Variants in TCF20 observed in about 807,000 individuals in gnomAD.
The protein encoded by TCF20 is SPRE-binding protein.
In TCF20, 3 loss-of-function variants were observed where a neutral mutation model predicts 148.6. The observed-to-expected ratio is 0.02, with a 90% CI of 0.01 to 0.05. The LOEUF is 0.05. Ranked by LOEUF, TCF20 falls within the 10% of genes least tolerant of loss-of-function variation. The probability of loss-of-function intolerance (pLI) is 1.00; values close to 1 mark genes in which losing one functional copy is unlikely to be tolerated. For synonymous variants in TCF20, 1,049 were observed against 909.5 expected, an observed-to-expected ratio of 1.15 and a Z score of -2.76; for missense variants, 2,350 against 2,429.3, an observed-to-expected ratio of 0.97 and a Z score of 0.69.
intron 1 of TCF20, among the ~76,000 whole-genome samples, chr22:42,332,364 A>C (rs1451586094): frequency 2.6e-5 from 4 of 152,130 alleles, no homozygotes; most frequent in African/African-American, 7.2e-5. Flanking sequence ...TGACCAGTGC[A>C]GGAGCTGGAG....
intron 2 of TCF20, among the ~76,000 whole-genome samples, chr22:42,180,127 T>C (rs1601534274): frequency 6.6e-6 from 1 of 152,134 alleles, no homozygotes; most frequent in East Asian, 1.9e-4. Flanking sequence ...GAGGGTAAGG[T>C]AGTAGAGTTA....
intron 1 of TCF20, among the ~76,000 whole-genome samples, chr22:42,316,912 G>A (rs747552614): frequency 3.9e-5 from 6 of 152,138 alleles, no homozygotes; most frequent in Admixed American, 2.0e-4. Context: ...CCAGCCAAGC[G>A]TCGCCCTTTC....
At position 42,211,027 on chromosome 22, in the gene TCF20, C is replaced by G; in HGVS notation, c.4279G>C (p.Glu1427Gln). Residue 1427 changes from glutamate to glutamine, a missense_variant, in exon 2 of 6, where the codon GAG becomes CAG. Glu to Gln is a conservative substitution (Grantham distance 29, BLOSUM62 2). Coordinates refer to ENST00000677622, the MANE Select transcript of TCF20 (RefSeq NM_001378418.1). ...VSPANQELHVEKPLPRSSEEW... is the reference protein window; with the variant it reads ...VSPANQELHVQKPLPRSSEEW... ...TCTGAAGACCTTGGAAGAGGTTTCT[C>G]TACGTGCAACTCCTGGTTTGCTGGA... is the stretch of plus-strand genomic sequence containing the variant. 4.3e-6 allele frequency: 7 copies of G among 1,614,168 alleles called. No homozygotes were observed. The highest frequency in any genetic ancestry group is 5.9e-6 in the Non-Finnish European group (7 of 1,180,038).
intron 2 of TCF20, among the ~76,000 whole-genome samples, chr22:42,194,849 G>C (rs1336163802): frequency 6.6e-6 from 1 of 151,884 alleles, no homozygotes; most frequent in Non-Finnish European, 1.5e-5. Context: ...AGGCCTCTGA[G>C]GCCTTACTGA....
intron 2 of TCF20, among the ~76,000 whole-genome samples, chr22:42,201,641 G>A (rs1938029830): frequency 6.6e-6 from 1 of 152,048 alleles, no homozygotes; most frequent in South Asian, 2.1e-4. Flanking sequence ...GGTGGCAGGT[G>A]CCTGCAACTT....
intron 2 of TCF20, among the ~76,000 whole-genome samples, chr22:42,196,614 G>A (rs540246735): frequency 2.3e-4 from 35 of 152,306 alleles, no homozygotes; most frequent in Non-Finnish European, 4.4e-4. Flanking sequence ...ACATGTGTCT[G>A]AACTAAGATT....
At chr22:42,341,240 C>T (rs952524076) in intron 1 of TCF20, among the ~76,000 whole-genome samples, 2 of 152,168 alleles carry the variant, frequency 1.3e-5, no homozygotes, top group African/African-American at 2.4e-5. Context: ...GCCGTCACCC[C>T]GGGGGACACG....
At chr22:42,222,487 C>A (rs1242557908) in intron 1 of TCF20, among the ~76,000 whole-genome samples, 1 of 147,886 alleles carries the variant, frequency 6.8e-6, no homozygotes, top group East Asian at 1.9e-4. Flanking sequence ...GACACCATCA[C>A]ACCCCCCCAT....
At chr22:42,216,055 G>A (rs1921745110) in intron 1 of TCF20, among the ~76,000 whole-genome samples, 1 of 137,586 alleles carries the variant, frequency 7.3e-6, no homozygotes, top group Non-Finnish European at 1.6e-5. Flanking sequence ...GGGGGAGGGG[G>A]TGTGGGGTAA....
intron 3 of TCF20, 105 bp from the exon 4 acceptor site, chr22:42,170,001 T>C: frequency 1.8e-6 from 2 of 1,083,930 alleles, no homozygotes; most frequent in Non-Finnish European, 2.7e-6. Context: ...AGCAGGTCGC[T>C]ACACTTACTT....
At chr22:42,165,604 C>G (rs1935736349) in intron 5 of TCF20, among the ~76,000 whole-genome samples, 1 of 152,226 alleles carries the variant, frequency 6.6e-6, no homozygotes, top group Non-Finnish European at 1.5e-5. Context: ...ACCTCACAGG[C>G]TGGGAGGCAG....
At chr22:42,202,247 A>G (rs1938080955) in intron 2 of TCF20, among the ~76,000 whole-genome samples, 1 of 152,212 alleles carries the variant, frequency 6.6e-6, no homozygotes, top group African/African-American at 2.4e-5. Context: ...GAGGGAGGAC[A>G]CCATCTGAGG....
In TCF20 at chr22:42,314,779, A is replaced by G. The variant is rs1196194380; in HGVS notation, c.-37+28700T>C. Among the ~76,000 whole-genome samples the G allele has an allele frequency of 2.0e-5, 3 of 152,212 alleles. No homozygotes were observed. The East Asian group carries it at 5.8e-4, about 29-fold the overall frequency. ...AGAATGAACTCTAGAAACTTCAGAG[A>G]GGATTCTGGAGCAGCATCTGGAGAG... On this transcript the variant is annotated intron_variant, in intron 1 of 1. Coordinates refer to the TCF20 transcript ENST00000515426.
intron 2 of TCF20, among the ~76,000 whole-genome samples, chr22:42,200,202 AT>A (rs1720368699): frequency 6.6e-6 from 1 of 152,066 alleles, no homozygotes; most frequent in Non-Finnish European, 1.5e-5. Flanking sequence ...GCAAACCTAA[AT>A]TTCTTTTCTT....
intron 5 of TCF20, among the ~76,000 whole-genome samples, chr22:42,162,365 A>T (rs558200658): frequency 1.3e-5 from 2 of 152,096 alleles, no homozygotes; most frequent in Admixed American, 6.5e-5. Flanking sequence ...ACAGAGCTGG[A>T]CTATGTTAAT....
At chr22:42,268,517 G>A (rs1008798618) in intron 1 of TCF20, among the ~76,000 whole-genome samples, 1 of 152,202 alleles carries the variant, frequency 6.6e-6, no homozygotes, top group African/African-American at 2.4e-5. Flanking sequence ...CCCCTACTCT[G>A]AGAATGCTGA....
At chr22:42,190,791 T>TTGA (rs55968086) in intron 2 of TCF20, among the ~76,000 whole-genome samples, 152,034 of 152,302 alleles carry the variant, frequency 1, 75,884 homozygotes, top group Middle Eastern at 1. Flanking sequence ...GTACACTTTA[T>TTGA]TGATGTTTAA....
At chr22:42,240,941 C>T (rs760754626) in intron 1 of TCF20, among the ~76,000 whole-genome samples, 2 of 152,068 alleles carry the variant, frequency 1.3e-5, no homozygotes, top group East Asian at 1.9e-4. Flanking sequence ...CTGCGACCTC[C>T]GCCTCCCGGG....
chr22:42,324,191 TGGTGGTGGAGGTTATGGTGGA>T (rs1203407835), intron 1 of TCF20, among the ~76,000 whole-genome samples: 1 of 148,820 alleles, frequency 6.7e-6, no homozygotes, highest in African/African-American at 2.5e-5. Flanking sequence ...GTTATGGTGG[TGGTGGTGGAGGTTATGGTGGA>T]GGTGGTGATG....
Sources: gnomAD v4.1 joint callset for allele counts (sites outside exome capture counted in the v4.1 genomes callset) on GRCh38, gnomAD v4.1.1 for gene constraint, MANE v1.5 for transcripts, NCBI Gene and HGNC (gene_info 2026-07-23, HGNC 2026-07-21) for gene names.